The following MAMDC2 variants were observed in gnomAD, a reference collection of about 807,000 sequenced individuals.
MAMDC2 encodes the protein MAM domain-containing protein 2.
A neutral mutation model predicts 89.8 loss-of-function variants in MAMDC2; 57 were observed. That is an observed-to-expected ratio of 0.63 (90% CI 0.51 to 0.79). The LOEUF (loss-of-function observed/expected upper bound fraction) is 0.79, where lower values mean the gene tolerates loss of function less well. Among genes scored for constraint, MAMDC2 ranks in the 30% least tolerant of loss-of-function variants. The pLI is 0.00. For missense variants in MAMDC2, 800 were observed against 820.6 expected (o/e 0.97, Z 0.31); for synonymous variants, 313 against 293.4 (o/e 1.07, Z -0.68).
At chr9:70,222,207 A>C (rs2033576940) in intron 12 of MAMDC2, among the ~76,000 whole-genome samples, 2 of 152,172 alleles carry the variant, frequency 1.3e-5, no homozygotes, top group South Asian at 4.2e-4. Flanking sequence ...ATGAATTGAG[A>C]TATCATTTAT....
chr9:70,097,837 G>T (rs1373097096), intron 2 of MAMDC2, among the ~76,000 whole-genome samples: 1 of 152,110 alleles, frequency 6.6e-6, no homozygotes, highest in Admixed American at 6.6e-5. Context: ...CAAAAGCCAG[G>T]AGTTTCATGT....
chr9:70,185,471 A>T (rs2032733904), intron 11 of MAMDC2, among the ~76,000 whole-genome samples: 1 of 152,156 alleles, frequency 6.6e-6, no homozygotes, highest in Non-Finnish European at 1.5e-5. Flanking sequence ...AGGGAGGGAC[A>T]TTTAAGTCCA....
intron 2 of MAMDC2, chr9:70,092,224 C>G (rs1563949728): frequency 6.6e-6 from 1 of 152,136 alleles, no homozygotes; most frequent in Non-Finnish European, 1.5e-5. Context: ...GAGTGCTTAT[C>G]AAATCTGGCT....
intron 2 of MAMDC2, among the ~76,000 whole-genome samples, chr9:70,046,008 A>G (rs1162756932): frequency 6.6e-6 from 1 of 152,198 alleles, no homozygotes; most frequent in African/African-American, 2.4e-5. Context: ...AGTCTCTGTA[A>G]TCTTGCCACT....
At chr9:70,225,398 C>T (rs2033625623) in intron 12 of MAMDC2, among the ~76,000 whole-genome samples, 1 of 151,970 alleles carries the variant, frequency 6.6e-6, no homozygotes, top group Non-Finnish European at 1.5e-5. Flanking sequence ...CTTTCACAGA[C>T]CCTGTGTGGG....
chr9:70,221,768 T>C (rs2033570966), intron 12 of MAMDC2, among the ~76,000 whole-genome samples: 1 of 151,956 alleles, frequency 6.6e-6, no homozygotes, highest in Non-Finnish European at 1.5e-5. Context: ...AGGTATAAAA[T>C]TGTGATTTAT....
intron 11 of MAMDC2, among the ~76,000 whole-genome samples, chr9:70,184,351 T>A (rs1279512755): frequency 1.3e-5 from 2 of 152,324 alleles, no homozygotes; most frequent in East Asian, 3.9e-4. Flanking sequence ...ATCTGATGAT[T>A]ATGTGTCTTC....
At chr9:70,047,742 AG>A (rs1390778627) in intron 2 of MAMDC2, among the ~76,000 whole-genome samples, 1 of 152,220 alleles carries the variant, frequency 6.6e-6, no homozygotes, top group Non-Finnish European at 1.5e-5. Context: ...AGGCCAGAGA[AG>A]GAAGGTAAGT....
intron 11 of MAMDC2, among the ~76,000 whole-genome samples, chr9:70,180,708 G>A (rs1279010736): frequency 2.0e-5 from 3 of 152,152 alleles, no homozygotes; most frequent in South Asian, 4.2e-4. Context: ...TTTGATGGGG[G>A]TTGGTTTTTT....
chr9:70,077,253 T>A (rs1827552389), intron 2 of MAMDC2, among the ~76,000 whole-genome samples: 1 of 152,230 alleles, frequency 6.6e-6, no homozygotes, highest in South Asian at 2.1e-4. Flanking sequence ...GAGTAGCTGA[T>A]ACGCAACAGA....
At chr9:70,069,150 C>G (rs1044140142) in intron 2 of MAMDC2, among the ~76,000 whole-genome samples, 2 of 152,202 alleles carry the variant, frequency 1.3e-5, no homozygotes, top group African/African-American at 4.8e-5. Context: ...ATCCCCTGGA[C>G]AGTACCTTCT....
chr9:70,110,643 T>C (rs1270746785), intron 4 of MAMDC2, among the ~76,000 whole-genome samples: 1 of 152,074 alleles, frequency 6.6e-6, no homozygotes, highest in African/African-American at 2.4e-5. Flanking sequence ...AGAGTGTGGA[T>C]GCAGGATGTG....
rs1269751741 is a variant in MAMDC2 at position 70,044,232 on chromosome 9, G to A, written c.34+1G>A. The A allele has an allele frequency of 1.2e-6, 2 of 1,612,906 alleles. No individual in the cohort carries two copies. Among genetic ancestry groups the A allele is most frequent in the Non-Finnish European group, 1.7e-6 (2 of 1,179,912 alleles). On this transcript the variant is annotated splice_donor_variant, in intron 1 of 13. Coordinates refer to ENST00000377182, the MANE Select transcript of MAMDC2 (RefSeq NM_153267.5). LOFTEE classifies it high-confidence loss of function. ...AGGGGCGTCCTCCTGGCGTTGCAAG[G>A]TAAGGCCTGGACCCCGGGACAACCC...
intron 11 of MAMDC2, chr9:70,188,899 T>C (rs2309637): frequency 0.91 from 137,876 of 151,638 alleles, 62,892 homozygotes; most frequent in East Asian, 0.98. Flanking sequence ...CCACCACTCC[T>C]GGCCCTCAAT....
chr9:70,047,964 C>G (rs1826797330), intron 2 of MAMDC2, among the ~76,000 whole-genome samples: 1 of 152,202 alleles, frequency 6.6e-6, no homozygotes, highest in Non-Finnish European at 1.5e-5. Flanking sequence ...TGCTTTATCT[C>G]CACTGGACAC....
chr9:70,178,511 A>C (rs1015740525), intron 11 of MAMDC2, among the ~76,000 whole-genome samples: 1 of 152,228 alleles, frequency 6.6e-6, no homozygotes, highest in Non-Finnish European at 1.5e-5. Context: ...TGGGGGATAC[A>C]TCCAAACCAT....
intron 7 of MAMDC2, among the ~76,000 whole-genome samples, chr9:70,137,497 G>A (rs940587671): frequency 6.6e-6 from 1 of 152,062 alleles, no homozygotes; most frequent in Admixed American, 6.6e-5. Context: ...ATAGATATGT[G>A]TTCTTCTGGA....
chr9:70,045,724 C>CA (rs1826733437), intron 2 of MAMDC2, among the ~76,000 whole-genome samples: 1 of 152,122 alleles, frequency 6.6e-6, no homozygotes, highest in Non-Finnish European at 1.5e-5. Flanking sequence ...CTTCTCTGAC[C>CA]CTCACAGGTA....
intron 2 of MAMDC2, among the ~76,000 whole-genome samples, chr9:70,099,360 T>C (rs1828104027): frequency 6.6e-6 from 1 of 152,234 alleles, no homozygotes; most frequent in Non-Finnish European, 1.5e-5. Flanking sequence ...TTTTCATTTT[T>C]TTGAAAGTCT....
Sources: allele counts gnomAD v4.1 joint callset (sites outside exome capture counted in the v4.1 genomes callset), GRCh38; gene constraint gnomAD v4.1.1; transcripts MANE v1.5; gene names NCBI Gene and HGNC (gene_info 2026-07-23, HGNC 2026-07-21).